The following SPATA16 variants were observed in gnomAD, a reference collection of about 807,000 sequenced individuals.
SPATA16 encodes the protein spermatogenesis associated 16.
A neutral mutation model predicts 63.3 loss-of-function variants in SPATA16; 36 were observed. The observed-to-expected ratio is 0.57, with a 90% CI of 0.44 to 0.75. SPATA16 has a LOEUF of 0.75. Among genes scored for constraint, SPATA16 ranks in the 30% least tolerant of loss-of-function variants. The pLI, the probability that SPATA16 is intolerant of heterozygous loss-of-function variation, is 0.00. For missense variants in SPATA16, 646 were observed against 679.3 expected (o/e 0.95, Z 0.54); for synonymous variants, 203 against 216.7 (o/e 0.94, Z 0.56).
At chr3:172,986,768 G>C (rs1205142239) in intron 4 of SPATA16, among the ~76,000 whole-genome samples, 1 of 152,168 alleles carries the variant, frequency 6.6e-6, no homozygotes, top group Non-Finnish European at 1.5e-5. Context: ...AAAGTGGCAA[G>C]GGCAGTTCTG....
chr3:173,082,552 A>G (rs992132562), intron 2 of SPATA16, among the ~76,000 whole-genome samples: 2 of 152,214 alleles, frequency 1.3e-5, no homozygotes, highest in South Asian at 2.1e-4. Context: ...CACAAAAAAC[A>G]AAGTCAGTCT....
At chr3:173,047,204 CTT>C (rs563129322) in intron 3 of SPATA16, among the ~76,000 whole-genome samples, 2 of 142,822 alleles carry the variant, frequency 1.4e-5, no homozygotes. Flanking sequence ...GTTCTCATTA[CTT>C]TTTTTTTTTT....
intron 6 of SPATA16, among the ~76,000 whole-genome samples, chr3:172,949,497 A>G (rs914483385): frequency 2.0e-5 from 3 of 152,204 alleles, no homozygotes; most frequent in Non-Finnish European, 4.4e-5. Flanking sequence ...AAATTGTTAT[A>G]TACTACTGAG....
At chr3:173,019,748 A>C (rs974556321) in intron 3 of SPATA16, among the ~76,000 whole-genome samples, 173 bp from the exon 4 acceptor site, 2 of 152,222 alleles carry the variant, frequency 1.3e-5, no homozygotes, top group South Asian at 2.1e-4. Context: ...ACAAATAAAC[A>C]AGCATTATTG....
At chr3:173,130,517 G>T (rs967458352) in intron 1 of SPATA16, among the ~76,000 whole-genome samples, 1 of 151,902 alleles carries the variant, frequency 6.6e-6, no homozygotes, top group Non-Finnish European at 1.5e-5. Flanking sequence ...CAGAATAAAC[G>T]CTCATTTTTA....
chr3:172,889,713 C>T, intron 10 of SPATA16, 21 bp from the exon 11 acceptor site: 1 of 1,611,184 alleles, frequency 6.2e-7, no homozygotes, highest in South Asian at 1.1e-5. Context: ...TAAACAGATG[C>T]AACAAGATTT....
intron 3 of SPATA16, among the ~76,000 whole-genome samples, chr3:173,044,787 T>C (rs1489623103): frequency 6.6e-6 from 1 of 152,124 alleles, no homozygotes; most frequent in Non-Finnish European, 1.5e-5. Context: ...TTTGTTTTTT[T>C]CCCCCTGTGA....
intron 6 of SPATA16, among the ~76,000 whole-genome samples, chr3:172,944,293 A>G (rs1487106457): frequency 6.6e-6 from 1 of 152,234 alleles, no homozygotes; most frequent in Non-Finnish European, 1.5e-5. Context: ...GGAAATGCAA[A>G]TCAAAGCCAC....
At chr3:173,015,621 C>T (rs1039572331) in intron 4 of SPATA16, among the ~76,000 whole-genome samples, 12 of 152,100 alleles carry the variant, frequency 7.9e-5, no homozygotes, top group Non-Finnish European at 2.9e-5. Context: ...ATTGATATAG[C>T]TGAATGGTTA....
At chr3:173,032,960 A>G (rs1477713243) in intron 3 of SPATA16, among the ~76,000 whole-genome samples, 2 of 152,144 alleles carry the variant, frequency 1.3e-5, no homozygotes, top group Non-Finnish European at 2.9e-5. Context: ...TCTAAGGTTC[A>G]TGAATGAGAT....
At chr3:172,987,603 C>T (rs1330891019) in intron 4 of SPATA16, among the ~76,000 whole-genome samples, 1 of 152,136 alleles carries the variant, frequency 6.6e-6, no homozygotes, top group Non-Finnish European at 1.5e-5. Flanking sequence ...TTAGGAAAAA[C>T]TGAAAAATGT....
chr3:173,013,272 G>A (rs139959354), intron 4 of SPATA16, among the ~76,000 whole-genome samples: 6 of 152,290 alleles, frequency 3.9e-5, no homozygotes, highest in East Asian at 1.9e-4. Context: ...AATAATAGAT[G>A]CTTGTGAGGC....
intron 10 of SPATA16, among the ~76,000 whole-genome samples, chr3:172,890,544 C>T (rs1731873912): frequency 6.6e-6 from 1 of 152,154 alleles, no homozygotes; most frequent in African/African-American, 2.4e-5. Context: ...ATTCAAGGTA[C>T]ATGAACGTAT....
At chr3:172,948,727 A>G (rs992216273) in intron 6 of SPATA16, among the ~76,000 whole-genome samples, 2 of 152,270 alleles carry the variant, frequency 1.3e-5, no homozygotes, top group South Asian at 2.1e-4. Context: ...CTCGGCTTCC[A>G]AAGTGTTGGG....
At chr3:173,080,748 T>C (rs534412096) in intron 2 of SPATA16, among the ~76,000 whole-genome samples, 13 of 152,328 alleles carry the variant, frequency 8.5e-5, no homozygotes, top group African/African-American at 2.6e-4. Flanking sequence ...TTTATTAACT[T>C]ATAAAATGCA....
chr3:172,903,581 GATA>G (rs1732168932), intron 10 of SPATA16, among the ~76,000 whole-genome samples: 1 of 152,216 alleles, frequency 6.6e-6, no homozygotes, highest in African/African-American at 2.4e-5. Context: ...ATTTCTGGAT[GATA>G]ATTCAGATTA....
In SPATA16 at chr3:173,117,241, T is replaced by A; in HGVS notation, c.491A>T (p.His164Leu). Residue 164 changes from histidine (H) to leucine (L), a missense_variant, in exon 2 of 11, where the codon CAT becomes CTT. Transcript: ENST00000351008. ...AATCTGAGGCAGAAAGCTGAAATTA[T>A]GTACACTCAAAGGGTCTACTATTTC... ...AAEIVDPLSV[H>L]NFSFLPQIDK... 1 of 1,614,180 alleles carries A rather than the reference T, an allele frequency of 6.2e-7. No individual in the cohort carries two copies. Among genetic ancestry groups the A allele is most frequent in the Non-Finnish European group, 8.5e-7 (1 of 1,180,004 alleles).
chr3:173,140,969 G>A (rs531889833), intron 1 of SPATA16, 134 bp downstream of exon 1: 1 of 152,176 alleles, frequency 6.6e-6, no homozygotes. Flanking sequence ...CATTCCTCGC[G>A]TGGGCAGGAA....
intron 2 of SPATA16, among the ~76,000 whole-genome samples, chr3:173,102,609 C>T (rs2108326541): frequency 6.6e-6 from 1 of 152,262 alleles, no homozygotes; most frequent in African/African-American, 2.4e-5. Flanking sequence ...CAGCACCAAT[C>T]CTTGAGGGAT....
Sources: gnomAD v4.1 joint callset for allele counts (sites outside exome capture counted in the v4.1 genomes callset) on GRCh38, gnomAD v4.1.1 for gene constraint, MANE v1.5 for transcripts, NCBI Gene and HGNC (gene_info 2026-07-23, HGNC 2026-07-21) for gene names.